WDR72: variants seen among roughly 807,000 people sequenced by gnomAD.
The protein encoded by WDR72 is WD repeat domain 72.
In WDR72, 120 loss-of-function variants were observed where a neutral mutation model predicts 124.2. The observed-to-expected ratio is 0.97, with a 90% CI of 0.83 to 1.12. The LOEUF is 1.12. Ranked by LOEUF, WDR72 falls within the 50% of genes most tolerant of loss-of-function variation. The pLI, the probability that WDR72 is intolerant of heterozygous loss-of-function variation, is 0.00. For synonymous variants in WDR72, 452 were observed against 441.7 expected, an observed-to-expected ratio of 1.02 and a Z score of -0.29; for missense variants, 1,387 against 1,278.8, an observed-to-expected ratio of 1.08 and a Z score of -1.29.
At chr15:53,581,996 A>C (rs1319616796) in intron 18 of WDR72, among the ~76,000 whole-genome samples, 1 of 151,992 alleles carries the variant, frequency 6.6e-6, no homozygotes, top group Non-Finnish European at 1.5e-5. Context: ...GGAAAGTGAG[A>C]CTATATTCAA....
chr15:53,587,735 CCA>C (rs1171685276), intron 18 of WDR72, among the ~76,000 whole-genome samples: 2 of 151,938 alleles, frequency 1.3e-5, no homozygotes, highest in African/African-American at 4.8e-5. Context: ...TTTATATAGA[CCA>C]TGTTCTTAGG....
intron 13 of WDR72, among the ~76,000 whole-genome samples, chr15:53,674,473 C>T (rs2016096544): frequency 6.6e-6 from 1 of 152,168 alleles, no homozygotes. Context: ...CTGCATCTTA[C>T]TCCAGGAAAT....
upstream of WDR72, chr15:53,759,718 T>TCGCCCCGCCCCGCCCGCCTCGCCC (rs1555432192): frequency 9.6e-6 from 1 of 104,082 alleles, no homozygotes. Context: ...CCCGCCCGCC[T>TCGCCCCGCCCCGCCCGCCTCGCCC]CGCCCCGCCC....
intron 1 of WDR72, among the ~76,000 whole-genome samples, chr15:53,735,902 G>C (rs2018340157): frequency 1.3e-5 from 2 of 151,680 alleles, no homozygotes; most frequent in Non-Finnish European, 2.9e-5. Flanking sequence ...ACTTTTAAAA[G>C]AAACAAATAT....
At chr15:53,708,041 T>C (rs1026608337) in intron 9 of WDR72, among the ~76,000 whole-genome samples, 4 of 152,150 alleles carry the variant, frequency 2.6e-5, no homozygotes, top group East Asian at 1.9e-4. Context: ...ACCTTCCACA[T>C]TGCTGCTTCT....
intron 13 of WDR72, among the ~76,000 whole-genome samples, chr15:53,668,004 G>C (rs1474465233): frequency 6.6e-6 from 1 of 152,138 alleles, no homozygotes; most frequent in Non-Finnish European, 1.5e-5. Flanking sequence ...CACCATGCCA[G>C]ATGATGACAA....
Position 53,661,330 on chromosome 15 carries a change from A to C in WDR72, c.1962+4242T>G, listed in dbSNP as rs183514078. Among the ~76,000 whole-genome samples the C allele has an allele frequency of 3.1e-3, 469 of 152,322 alleles. 3 individuals are homozygous for C. Among genetic ancestry groups the C allele is most frequent in the Non-Finnish European group, 3.6e-3 (243 of 68,028 alleles). ...CTTCTTCCACTCATGGCAGAAGGTG[A>C]ACCAGAGCCATGTGTGCAGAGATCA... is the stretch of plus-strand genomic sequence containing the variant. On this transcript the variant is annotated intron_variant, in intron 14 of 19. Transcript: ENST00000360509.
At chr15:53,523,733 T>G (rs916751164) in intron 18 of WDR72, among the ~76,000 whole-genome samples, 2 of 152,090 alleles carry the variant, frequency 1.3e-5, no homozygotes, top group Admixed American at 1.3e-4. Context: ...TTCCTCTCAC[T>G]GCACTAATCA....
At chr15:53,734,383 T>C (rs1289017341) in intron 1 of WDR72, among the ~76,000 whole-genome samples, 1 of 152,222 alleles carries the variant, frequency 6.6e-6, no homozygotes. Flanking sequence ...GCATTGCAAT[T>C]CTGAATACCA....
intron 18 of WDR72, among the ~76,000 whole-genome samples, chr15:53,582,824 A>G (rs894807899): frequency 6.6e-6 from 1 of 151,948 alleles, no homozygotes; most frequent in African/African-American, 2.4e-5. Context: ...TATATTTTTG[A>G]CTAATAGTTG....
intron 18 of WDR72, among the ~76,000 whole-genome samples, chr15:53,569,484 T>G (rs1292575679): frequency 6.6e-6 from 1 of 152,028 alleles, no homozygotes; most frequent in Non-Finnish European, 1.5e-5. Context: ...AATACAGTAT[T>G]GAATACAGAG....
At chr15:53,583,897 A>G (rs1417198049) in intron 18 of WDR72, among the ~76,000 whole-genome samples, 5 of 152,024 alleles carry the variant, frequency 3.3e-5, no homozygotes, top group African/African-American at 1.2e-4. Flanking sequence ...ATTAATATAA[A>G]CACAAGGAAA....
intron 9 of WDR72, among the ~76,000 whole-genome samples, chr15:53,708,626 A>G (rs1031307078): frequency 6.6e-6 from 1 of 152,226 alleles, no homozygotes; most frequent in Non-Finnish European, 1.5e-5. Context: ...CAACTAAAGT[A>G]AATGAGGTTG....
Position 53,757,572 on chromosome 15 carries a change from G to A in WDR72, c.-13+2061C>T, listed in dbSNP as rs1004091129. On this transcript the variant is annotated intron_variant, in intron 1 of 19. Transcript: ENST00000360509. ...CAGGGACCAGAGGGTGCAGTGAGCC[G>A]AGATAGTACCACTGCACTCCTACCT... Among the ~76,000 whole-genome samples the A allele has an allele frequency of 3.3e-5, 5 of 152,020 alleles. No homozygotes were observed. In the East Asian group the frequency reaches 7.8e-4, roughly 24 times the overall value.
chr15:53,560,150 A>G (rs754922134), intron 18 of WDR72, among the ~76,000 whole-genome samples: 2 of 151,914 alleles, frequency 1.3e-5, no homozygotes, highest in Non-Finnish European at 2.9e-5. Flanking sequence ...TGATATAGCT[A>G]GATGATGAAA....
chr15:53,700,074 C>A lies in WDR72; in HGVS notation c.1570-129G>T. 15 of 1,017,930 alleles carry A rather than the reference C, an allele frequency of 1.5e-5. 1 individual carries two copies. The highest frequency in any genetic ancestry group is 2.1e-5 in the Non-Finnish European group (14 of 675,228). 63.1% of individuals were successfully genotyped at this position (1,017,930 alleles called of 1,614,324 possible). ...CCCATTTACAAAAATGATATTTCTG[C>A]TTTCTACAGCACCTTTCATGTAACC... On this transcript the variant is annotated intron_variant, in intron 12 of 19. Coordinates refer to ENST00000360509, the MANE Select transcript of WDR72 (RefSeq NM_182758.4).
intron 14 of WDR72, among the ~76,000 whole-genome samples, chr15:53,655,429 A>G (rs1184035552): frequency 6.6e-6 from 1 of 152,118 alleles, no homozygotes; most frequent in Non-Finnish European, 1.5e-5. Context: ...GGAGATGTCA[A>G]CTGTCAAATA....
At chr15:53,541,371 C>CT (rs1043380071) in intron 18 of WDR72, among the ~76,000 whole-genome samples, 14 of 152,028 alleles carry the variant, frequency 9.2e-5, no homozygotes, top group South Asian at 2.1e-4. Flanking sequence ...AGGCACCCCC[C>CT]AGCAGGGGCA....
chr15:53,733,264 G>C, intron 1 of WDR72, 103 bp from the exon 2 acceptor site: 1 of 1,264,556 alleles, frequency 7.9e-7, no homozygotes, highest in Non-Finnish European at 1.1e-6. Context: ...CTTCAATGAT[G>C]TGTTCTCCCA....
Sources: gnomAD v4.1 joint callset for allele counts (sites outside exome capture counted in the v4.1 genomes callset) on GRCh38, gnomAD v4.1.1 for gene constraint, MANE v1.5 for transcripts, NCBI Gene and HGNC (gene_info 2026-07-23, HGNC 2026-07-21) for gene names.